GLOD4: variants seen among roughly 807,000 people sequenced by gnomAD.
The protein encoded by GLOD4 is glyoxalase domain containing 4, also known as glyoxalase domain-containing protein 4.
A neutral mutation model predicts 39.1 loss-of-function variants in GLOD4; 44 were observed. That is an observed-to-expected ratio of 1.13 (90% CI 0.88 to 1.45). The LOEUF (loss-of-function observed/expected upper bound fraction) is 1.45. Ranked by LOEUF, GLOD4 falls within the 40% of genes most tolerant of loss-of-function variation. The pLI is 0.00. For missense variants in GLOD4, 405 were observed against 366.4 expected (o/e 1.11, Z -0.86); for synonymous variants, 145 against 135.0 (o/e 1.07, Z -0.52).
chr17:772,184 C>G (rs1181866347), intron 4 of GLOD4, among the ~76,000 whole-genome samples: 5 of 68,338 alleles, frequency 7.3e-5, no homozygotes, highest in African/African-American at 1.3e-4. Context: ...GAGACCCTAT[C>G]TCGAAAAAAA....
At chr17:778,399 G>A (rs1025269169) in intron 2 of GLOD4, 1 of 500,152 alleles carries the variant, frequency 2.0e-6, no homozygotes, top group Non-Finnish European at 3.5e-6. Context: ...GCTGGTGTTA[G>A]AGAGCTGGAG....
At chr17:777,245 C>T (rs1398283663) in intron 2 of GLOD4, 1 of 514,708 alleles carries the variant, frequency 1.9e-6, no homozygotes, top group East Asian at 3.3e-5. Flanking sequence ...GGAACAGAAT[C>T]CTAAAGACAG....
At chr17:770,980 G>C in intron 5 of GLOD4, 1 of 207,146 alleles carries the variant, frequency 4.8e-6, no homozygotes, top group Non-Finnish European at 9.7e-6. Context: ...ATAATTCCTA[G>C]GAGTAGAATT....
chr17:765,437 T>C (rs1906345392), intron 8 of GLOD4: 1 of 150,154 alleles, frequency 6.7e-6, no homozygotes, highest in Non-Finnish European at 1.5e-5. Context: ...GAATGCAGAA[T>C]GGGAAAAACA....
intron 8 of GLOD4, among the ~76,000 whole-genome samples, chr17:768,599 GA>G (rs1210148073): frequency 8.0e-6 from 1 of 125,000 alleles, no homozygotes; most frequent in Non-Finnish European, 1.6e-5. Context: ...AAGAAGTCTG[GA>G]GAGGACGTGA....
chr17:765,706 A>G (rs1325724850), intron 8 of GLOD4, among the ~76,000 whole-genome samples: 1 of 147,954 alleles, frequency 6.8e-6, no homozygotes, highest in African/African-American at 2.5e-5. Flanking sequence ...GGCCTCCCAA[A>G]GGGCTGGGGT....
intron 4 of GLOD4, among the ~76,000 whole-genome samples, 179 bp from the exon 5 acceptor site, chr17:771,640 G>C (rs1567792425): frequency 6.6e-6 from 1 of 152,206 alleles, no homozygotes; most frequent in Non-Finnish European, 1.5e-5. Context: ...GACTGAGGTA[G>C]GAGGATTGCG....
upstream of GLOD4, among the ~76,000 whole-genome samples, chr17:785,523 T>C (rs972495237): frequency 6.6e-6 from 1 of 152,246 alleles, no homozygotes; most frequent in Non-Finnish European, 1.5e-5. Flanking sequence ...GACCCCATTT[T>C]ACTCCTTTGT....
chr17:769,094 C>G (rs1343564374), intron 8 of GLOD4, among the ~76,000 whole-genome samples: 1 of 152,224 alleles, frequency 6.6e-6, no homozygotes, highest in African/African-American at 2.4e-5. Flanking sequence ...GAGACTGATG[C>G]TGCAGAATGG....
At chr17:783,065 T>C, upstream of GLOD4, 1 of 1,578,044 alleles carries the variant, frequency 6.3e-7, no homozygotes, top group Non-Finnish European at 8.6e-7. Flanking sequence ...TGTTTTTTTT[T>C]TTTATTTCCA....
At chr17:783,310 C>T (rs768125523), upstream of GLOD4, 1 of 1,612,556 alleles carries the variant, frequency 6.2e-7, no homozygotes, top group South Asian at 1.1e-5. Flanking sequence ...GACCTCGTAA[C>T]GCCACAAGGA....
chr17:763,964 A>C (rs1906003254), intron 8 of GLOD4: 1 of 152,234 alleles, frequency 6.6e-6, no homozygotes, highest in African/African-American at 2.4e-5. Flanking sequence ...AATGATGAAA[A>C]ACTACAGTAC....
At position 782,209 on chromosome 17, in the gene GLOD4, C is replaced by A. The variant is rs1343628118; in HGVS notation, c.47G>T (p.Arg16Leu). The A allele has an allele frequency of 6.2e-7, 1 of 1,613,282 alleles. No individual in the cohort carries two copies. Among genetic ancestry groups the A allele is most frequent in the Non-Finnish European group, 8.5e-7 (1 of 1,179,586 alleles). Residue 16 changes from arginine (R) to leucine (L), a missense_variant, in exon 1 of 9, where the codon CGC becomes CTC. Arg to Leu is a moderately radical substitution (Grantham distance 102, BLOSUM62 -2). Transcript: ENST00000301329. ...CCGATAGAAACGCGCCGTCTGGAAG[C>A]GGTTTCCCACTTTGAATACGAAGTG... ...ALHFVFKVGNRFQTARFYRDV... is the reference protein window; with the variant it reads ...ALHFVFKVGNLFQTARFYRDV...
intron 4 of GLOD4, among the ~76,000 whole-genome samples, chr17:775,040 A>G (rs1908654110): frequency 6.6e-6 from 1 of 150,682 alleles, no homozygotes; most frequent in East Asian, 2.0e-4. Context: ...ACTGCACTCT[A>G]GCCTGGGCGA....
intron 8 of GLOD4, among the ~76,000 whole-genome samples, chr17:761,076 T>C (rs1905340608): frequency 6.6e-6 from 1 of 152,218 alleles, no homozygotes; most frequent in Non-Finnish European, 1.5e-5. Context: ...GGTTCAGATG[T>C]GGCAGCAGAG....
At chr17:770,578 C>A (rs2144369821) in intron 5 of GLOD4, 71 bp from the exon 6 acceptor site, 1 of 788,266 alleles carries the variant, frequency 1.3e-6, no homozygotes, top group Admixed American at 1.8e-5. Context: ...TAGAAAAATT[C>A]AAATATTATA....
At chr17:779,048 C>T (rs1201344836) in intron 1 of GLOD4, among the ~76,000 whole-genome samples, 1 of 152,116 alleles carries the variant, frequency 6.6e-6, no homozygotes, top group Admixed American at 6.6e-5. Flanking sequence ...GGCACAGTGA[C>T]TCACGCCTAT....
At chr17:771,188 A>C in intron 5 of GLOD4, 137 bp downstream of exon 5, 1 of 598,098 alleles carries the variant, frequency 1.7e-6, no homozygotes, top group South Asian at 2.4e-5. Flanking sequence ...TTATCTATAT[A>C]AATATTGAAT....
intron 3 of GLOD4, among the ~76,000 whole-genome samples, chr17:776,351 A>G (rs995091042): frequency 3.9e-5 from 6 of 152,216 alleles, no homozygotes; most frequent in South Asian, 2.1e-4. Flanking sequence ...GTGTGCTTTG[A>G]GAAGACCAGC....
Sources: gnomAD v4.1 joint callset for allele counts (sites outside exome capture counted in the v4.1 genomes callset) on GRCh38, gnomAD v4.1.1 for gene constraint, MANE v1.5 for transcripts, NCBI Gene and HGNC (gene_info 2026-07-23, HGNC 2026-07-21) for gene names.